Variants in PTPRT observed in about 807,000 individuals in gnomAD.
The protein encoded by PTPRT is receptor-type tyrosine-protein phosphatase T.
PTPRT carries 56 observed loss-of-function variants against 176.8 expected under a neutral mutation model. That is an observed-to-expected ratio of 0.32 (90% CI 0.26 to 0.40). The LOEUF (loss-of-function observed/expected upper bound fraction) is 0.40, where lower values mean the gene tolerates loss of function less well. Among genes scored for constraint, PTPRT ranks in the 10% least tolerant of loss-of-function variants. The probability of loss-of-function intolerance (pLI) is 1.00; values close to 1 mark genes in which losing one functional copy is unlikely to be tolerated. For synonymous variants in PTPRT, 783 were observed against 739.0 expected (o/e 1.06, Z -0.96); for missense variants, 1,540 against 1,908.2 (o/e 0.81, Z 3.60).
intron 7 of PTPRT, among the ~76,000 whole-genome samples, chr20:42,660,692 C>A (rs1322156434): frequency 6.6e-6 from 1 of 152,164 alleles, no homozygotes; most frequent in East Asian, 1.9e-4. Context: ...CAGGTGCCAT[C>A]CATGATTCCA....
intron 1 of PTPRT, among the ~76,000 whole-genome samples, chr20:43,062,221 A>T (rs1286323842): frequency 6.6e-6 from 1 of 152,196 alleles, no homozygotes; most frequent in Non-Finnish European, 1.5e-5. Context: ...TAAAATGTGT[A>T]CATTTTATTG....
chr20:42,350,639 TC>T lies in PTPRT; in HGVS notation c.1853del (p.Gly618GlufsTer33). 6.2e-7 allele frequency: 1 copy of T among 1,609,392 alleles called. No individual in the cohort carries two copies. The highest frequency in any genetic ancestry group is 8.5e-7 in the Non-Finnish European group (1 of 1,175,774). ...TVMLKPAQSR[G>X]APVSVYQLVV... Reference sequence around the variant, plus strand: ...AGAACCATCCTCACCTGACAGGAGCTCCCCGGGACTGAGCGGGTTTCAGCAT... The same window carrying T: ...AGAACCATCCTCACCTGACAGGAGCTCCCGGGACTGAGCGGGTTTCAGCAT... On this transcript the variant is annotated frameshift_variant, in exon 11 of 31. Transcript: ENST00000373187. LOFTEE classifies it high-confidence loss of function.
chr20:42,357,545 C>T (rs2058374264), intron 9 of PTPRT, among the ~76,000 whole-genome samples: 1 of 152,018 alleles, frequency 6.6e-6, no homozygotes, highest in Non-Finnish European at 1.5e-5. Context: ...GCAGAGTGAC[C>T]CCCATTTCTT....
chr20:42,769,746 A>G (rs1198978130), intron 5 of PTPRT, among the ~76,000 whole-genome samples: 1 of 152,236 alleles, frequency 6.6e-6, no homozygotes, highest in East Asian at 1.9e-4. Context: ...CAACAGGTAG[A>G]TGGATAAACA....
At chr20:42,655,509 T>C (rs2075109918) in intron 7 of PTPRT, among the ~76,000 whole-genome samples, 2 of 152,088 alleles carry the variant, frequency 1.3e-5, no homozygotes, top group Non-Finnish European at 2.9e-5. Context: ...AAAAAGAAAT[T>C]TACCAGATCT....
chr20:42,056,722 CATG>C, the PTPRT span, among the ~76,000 whole-genome samples: 2 of 152,204 alleles, frequency 1.3e-5, no homozygotes, highest in Admixed American at 1.3e-4. Context: ...TCACTCATAG[CATG>C]ATGATACAAT....
At chr20:42,048,970 C>G in the PTPRT span, among the ~76,000 whole-genome samples, 1 of 152,092 alleles carries the variant, frequency 6.6e-6, no homozygotes, top group African/African-American at 2.4e-5. Context: ...TACAGATGCC[C>G]GCCACCACAC....
intron 1 of PTPRT, among the ~76,000 whole-genome samples, chr20:43,043,975 T>C (rs1330173911): frequency 6.6e-6 from 1 of 152,084 alleles, no homozygotes; most frequent in Non-Finnish European, 1.5e-5. Context: ...AAGTCTGGTC[T>C]CTTGTGATGC....
chr20:42,262,455 C>A (rs2056765951), intron 13 of PTPRT, among the ~76,000 whole-genome samples: 3 of 152,218 alleles, frequency 2.0e-5, no homozygotes, highest in Admixed American at 2.0e-4. Context: ...CCAGCTCCAG[C>A]AGATTTGGGG....
chr20:42,695,212 C>G (rs972227802), intron 6 of PTPRT, among the ~76,000 whole-genome samples: 1 of 152,110 alleles, frequency 6.6e-6, no homozygotes, highest in Non-Finnish European at 1.5e-5. Context: ...TTTCACAGAG[C>G]AAAAATTTTA....
intron 6 of PTPRT, among the ~76,000 whole-genome samples, chr20:42,718,393 C>T (rs1385602228): frequency 1.3e-5 from 2 of 152,006 alleles, no homozygotes; most frequent in Non-Finnish European, 1.5e-5. Context: ...AAAAATCAGC[C>T]GGGCTTGGTG....
intron 5 of PTPRT, among the ~76,000 whole-genome samples, chr20:42,769,871 G>T (rs138418767): frequency 3.3e-4 from 51 of 152,324 alleles, no homozygotes; most frequent in Middle Eastern, 6.8e-3. Flanking sequence ...GGTACATACC[G>T]CATGCTTCCA....
At chr20:42,448,143 T>A in intron 9 of PTPRT, 77 bp downstream of exon 9, 1 of 1,095,626 alleles carries the variant, frequency 9.1e-7, no homozygotes, top group Non-Finnish European at 1.4e-6. Context: ...TTCAGCAGAA[T>A]GGGTATTCAC....
intron 1 of PTPRT, among the ~76,000 whole-genome samples, chr20:43,160,025 A>G (rs1217398383): frequency 1.3e-5 from 2 of 151,956 alleles, no homozygotes; most frequent in African/African-American, 2.4e-5. Context: ...AAGAAAGAAA[A>G]AGAAAAAGAC....
chr20:42,531,417 TATTA>T (rs1384631666), intron 7 of PTPRT, among the ~76,000 whole-genome samples: 3 of 152,196 alleles, frequency 2.0e-5, no homozygotes, highest in Non-Finnish European at 4.4e-5. Flanking sequence ...ATTACCTTCT[TATTA>T]ATTATCATTT....
chr20:42,404,987 T>TAC (rs1420147226), intron 9 of PTPRT, among the ~76,000 whole-genome samples: 12 of 135,882 alleles, frequency 8.8e-5, no homozygotes, highest in South Asian at 2.2e-4. Context: ...TATATATATA[T>TAC]ACACACACAC....
intron 1 of PTPRT, among the ~76,000 whole-genome samples, chr20:43,157,450 T>C (rs188333841): frequency 6.6e-6 from 1 of 152,228 alleles, no homozygotes; most frequent in African/African-American, 2.4e-5. Context: ...ACGAGAAATA[T>C]AATAAAGTAC....
At chr20:42,969,856 A>G (rs1426131480) in intron 1 of PTPRT, among the ~76,000 whole-genome samples, 1 of 152,184 alleles carries the variant, frequency 6.6e-6, no homozygotes. Context: ...CATTTACTAT[A>G]TTGCTTTCCT....
At chr20:42,174,091 T>C (rs946804958) in intron 16 of PTPRT, among the ~76,000 whole-genome samples, 6 of 152,178 alleles carry the variant, frequency 3.9e-5, no homozygotes, top group Non-Finnish European at 4.4e-5. Flanking sequence ...GATGAAACTG[T>C]AAGGTGGCTT....
Sources: gnomAD v4.1 joint callset for allele counts (sites outside exome capture counted in the v4.1 genomes callset) on GRCh38, gnomAD v4.1.1 for gene constraint, MANE v1.5 for transcripts, NCBI Gene and HGNC (gene_info 2026-07-23, HGNC 2026-07-21) for gene names.